The following COL5A2 variants were observed in gnomAD, a reference collection of about 807,000 sequenced individuals.
COL5A2 encodes the protein collagen alpha-2(V) chain.
COL5A2 carries 23 observed loss-of-function variants against 208.2 expected under a neutral mutation model. That is an observed-to-expected ratio of 0.11 (90% CI 0.08 to 0.16). The LOEUF is 0.16. COL5A2 is among the 10% of genes least tolerant of loss of function. The probability of loss-of-function intolerance (pLI) is 1.00; values close to 1 mark genes in which losing one functional copy is unlikely to be tolerated. For synonymous variants in COL5A2, 625 were observed against 628.5 expected, an observed-to-expected ratio of 0.99 and a Z score of 0.08; for missense variants, 1,590 against 1,956.4, an observed-to-expected ratio of 0.81 and a Z score of 3.53.
the COL5A2 span, among the ~76,000 whole-genome samples, chr2:189,284,498 T>C: frequency 6.6e-6 from 1 of 152,100 alleles, no homozygotes; most frequent in African/African-American, 2.4e-5. Flanking sequence ...GGGGAAATGC[T>C]ACACCCTTTT....
the COL5A2 span, among the ~76,000 whole-genome samples, chr2:189,324,980 T>C: frequency 6.6e-6 from 1 of 152,156 alleles, no homozygotes; most frequent in East Asian, 1.9e-4. Context: ...TGGAATACTA[T>C]GCAGCCATAA....
the COL5A2 span, among the ~76,000 whole-genome samples, chr2:189,297,761 C>T: frequency 6.6e-6 from 1 of 152,140 alleles, no homozygotes; most frequent in African/African-American, 2.4e-5. Flanking sequence ...CCCCTCAATG[C>T]ACATTTATGC....
At chr2:189,344,619 G>A in the COL5A2 span, among the ~76,000 whole-genome samples, 4 of 152,224 alleles carry the variant, frequency 2.6e-5, 1 homozygote, top group South Asian at 8.3e-4. Flanking sequence ...TCTCTCCATC[G>A]GTTGGGCTTG....
intron 52 of COL5A2, among the ~76,000 whole-genome samples, chr2:189,036,174 T>G (rs1446167923): frequency 6.6e-6 from 1 of 152,128 alleles, no homozygotes; most frequent in Non-Finnish European, 1.5e-5. Context: ...TACTTTAAAC[T>G]GGCAAAACTG....
At chr2:189,189,091 A>T (rs1449787128) in intron 1 of COL5A2, among the ~76,000 whole-genome samples, 1 of 152,228 alleles carries the variant, frequency 6.6e-6, no homozygotes. Flanking sequence ...TAAATCTGCC[A>T]TTTTAAGTGC....
chr2:189,116,290 G>C (rs750444874), intron 1 of COL5A2, among the ~76,000 whole-genome samples: 47 of 152,330 alleles, frequency 3.1e-4, no homozygotes, highest in Non-Finnish European at 6.0e-4. Flanking sequence ...ATGCACAGCA[G>C]AGCGTGGGCT....
intron 26 of COL5A2, 64 bp from the exon 27 acceptor site, chr2:189,063,334 A>T: frequency 7.8e-7 from 1 of 1,283,668 alleles, no homozygotes; most frequent in Non-Finnish European, 1.1e-6. Flanking sequence ...GCATCACCCA[A>T]AGTGTCACCT....
intron 32 of COL5A2, 110 bp from the exon 33 acceptor site, chr2:189,058,637 C>T (rs1433343927): frequency 7.6e-6 from 8 of 1,055,986 alleles, no homozygotes; most frequent in Admixed American, 2.0e-5. Flanking sequence ...TGAGACATTA[C>T]TAAATCTCAA....
the COL5A2 span, among the ~76,000 whole-genome samples, chr2:189,316,004 T>C: frequency 6.6e-6 from 1 of 152,168 alleles, no homozygotes; most frequent in Non-Finnish European, 1.5e-5. Flanking sequence ...GCTTATACAC[T>C]GTTGGTGGGA....
At chr2:189,214,109 A>T (rs1332439284) in intron 1 of COL5A2, among the ~76,000 whole-genome samples, 3 of 152,302 alleles carry the variant, frequency 2.0e-5, no homozygotes, top group African/African-American at 7.2e-5. Flanking sequence ...TTTTAAAAAT[A>T]TGTAAAATGG....
the COL5A2 span, among the ~76,000 whole-genome samples, chr2:189,395,277 G>A: frequency 1.3e-5 from 2 of 152,078 alleles, no homozygotes; most frequent in African/African-American, 4.8e-5. Flanking sequence ...TTTACATTAT[G>A]AATTAAAATG....
the COL5A2 span, among the ~76,000 whole-genome samples, chr2:189,250,144 G>T: frequency 2.1e-4 from 32 of 152,300 alleles, no homozygotes; most frequent in African/African-American, 7.7e-4. Context: ...AGATGCTTAA[G>T]GTGCTAGGGA....
intron 1 of COL5A2, among the ~76,000 whole-genome samples, chr2:189,208,896 C>T (rs1689174744): frequency 6.6e-6 from 1 of 152,096 alleles, no homozygotes; most frequent in South Asian, 2.1e-4. Flanking sequence ...AAAAAAGACT[C>T]CCTTTCTCCT....
intron 1 of COL5A2, among the ~76,000 whole-genome samples, chr2:189,141,337 G>A (rs1287587971): frequency 1.3e-5 from 2 of 152,116 alleles, no homozygotes; most frequent in South Asian, 2.1e-4. Context: ...AAATGCTCAC[G>A]ACTATTCAAG....
the COL5A2 span, among the ~76,000 whole-genome samples, chr2:189,431,453 GGTTA>G: frequency 6.6e-6 from 1 of 152,172 alleles, no homozygotes; most frequent in African/African-American, 2.4e-5. Context: ...CTTGAAAAAA[GGTTA>G]GTTGAATGGC....
At chr2:189,335,030 A>G in the COL5A2 span, among the ~76,000 whole-genome samples, 1 of 152,094 alleles carries the variant, frequency 6.6e-6, no homozygotes, top group African/African-American at 2.4e-5. Context: ...ATTTAAAAAA[A>G]TCCTTGGCAG....
chr2:189,383,162 A>G, the COL5A2 span, among the ~76,000 whole-genome samples: 1 of 152,198 alleles, frequency 6.6e-6, no homozygotes, highest in Non-Finnish European at 1.5e-5. Flanking sequence ...ACGAAATACC[A>G]CAGAATGGGT....
chr2:189,176,787 C>G (rs965400593), intron 1 of COL5A2, among the ~76,000 whole-genome samples: 1 of 151,710 alleles, frequency 6.6e-6, no homozygotes, highest in African/African-American at 2.4e-5. Flanking sequence ...ACACATACAC[C>G]CACACAAACT....
At chr2:189,440,529 C>T in the COL5A2 span, among the ~76,000 whole-genome samples, 1 of 152,182 alleles carries the variant, frequency 6.6e-6, no homozygotes, top group Non-Finnish European at 1.5e-5. Flanking sequence ...TACGGAATCA[C>T]CATGTTATAT....
Sources: gnomAD v4.1 joint callset for allele counts (sites outside exome capture counted in the v4.1 genomes callset) on GRCh38, gnomAD v4.1.1 for gene constraint, MANE v1.5 for transcripts, NCBI Gene and HGNC (gene_info 2026-07-23, HGNC 2026-07-21) for gene names.